Variants in EXT2 observed in about 807,000 individuals in gnomAD.
The protein encoded by EXT2 is exostosin-2.
EXT2 carries 53 observed loss-of-function variants against 81.6 expected under a neutral mutation model. The observed-to-expected ratio is 0.65, with a 90% confidence interval of 0.52 to 0.82. EXT2 has a LOEUF of 0.82. Ranked by LOEUF, EXT2 falls within the 40% of genes least tolerant of loss-of-function variation. EXT2 has a pLI of 0.00. For synonymous variants in EXT2, 320 were observed against 340.0 expected, an observed-to-expected ratio of 0.94 and a Z score of 0.65; for missense variants, 774 against 910.2, an observed-to-expected ratio of 0.85 and a Z score of 1.93.
At chr11:44,149,541 T>C (rs1161384713) in intron 7 of EXT2, among the ~76,000 whole-genome samples, 1 of 152,226 alleles carries the variant, frequency 6.6e-6, no homozygotes, top group Non-Finnish European at 1.5e-5. Flanking sequence ...GTATTGGACC[T>C]TGAAAATAAA....
intron 11 of EXT2, among the ~76,000 whole-genome samples, chr11:44,233,829 C>T (rs1955926863): frequency 2.0e-5 from 3 of 151,692 alleles, no homozygotes; most frequent in Admixed American, 6.6e-5. Context: ...TTTTTTTGAC[C>T]CAATAATTTC....
intron 10 of EXT2, among the ~76,000 whole-genome samples, chr11:44,221,902 G>A (rs570154667): frequency 1.3e-5 from 2 of 152,254 alleles, no homozygotes; most frequent in Admixed American, 1.3e-4. Flanking sequence ...TTCCACATTT[G>A]GGGAGAATAA....
In EXT2 at chr11:44,206,582, GT is replaced by G. The variant is rs571853507; in HGVS notation, c.1496-209del. Among the ~76,000 whole-genome samples, 838 of 152,208 alleles carry G rather than the reference GT, an allele frequency of 5.5e-3. 12 individuals carry two copies. The highest frequency in any genetic ancestry group is 0.019 in the African/African-American group (793 of 41,524). ...ATGTATATAGTATGTGTGTATATAT[GT>G]TGTATATATGTGTACGTGCAGTATA... On this transcript the variant is annotated intron_variant, in intron 9 of 13. Coordinates refer to ENST00000533608, the MANE Select transcript of EXT2 (RefSeq NM_207122.2).
chr11:44,236,241 T>C, intron 12 of EXT2, 52 bp from the exon 13 acceptor site: 1 of 1,538,898 alleles, frequency 6.5e-7, no homozygotes. Context: ...CAAGCATGAT[T>C]TTATTGTCCT....
chr11:44,201,377 G>A (rs142390297), intron 9 of EXT2, among the ~76,000 whole-genome samples: 4 of 152,298 alleles, frequency 2.6e-5, no homozygotes, highest in African/African-American at 9.6e-5. Flanking sequence ...TAACCATATT[G>A]TATACTTTTT....
chr11:44,205,623 C>T (rs1955573179), intron 9 of EXT2, among the ~76,000 whole-genome samples: 1 of 152,344 alleles, frequency 6.6e-6, no homozygotes, highest in Admixed American at 6.5e-5. Context: ...ATGTGTTCTA[C>T]AACCAGTTAT....
chr11:44,171,511 A>G (rs1955072841), intron 7 of EXT2, 100 bp from the exon 8 acceptor site: 5 of 1,581,730 alleles, frequency 3.2e-6, no homozygotes, highest in Non-Finnish European at 4.3e-6. Flanking sequence ...AACTTTGGGA[A>G]TAAAGGAATT....
chr11:44,206,878 T>C lies in EXT2; in HGVS notation c.1581T>C (p.Asp527=). ...NKLSNRFFPY[D]EIETEAVLAI... The stretch of plus-strand genomic sequence containing the variant: ...TAAGTAACCGTTTCTTCCCTTATGA[T>C]GAAATCGAGACAGAAGCTGTTCTGG... Residue 527 remains aspartate (D), a synonymous_variant, in exon 10 of 14, where the codon GAT becomes GAC. Transcript: ENST00000533608. The C allele has an allele frequency of 6.2e-7, 1 of 1,614,172 alleles. No individual in the cohort carries two copies. Among genetic ancestry groups the C allele is most frequent in the Non-Finnish European group, 8.5e-7 (1 of 1,180,012 alleles).
rs78755968 is a variant in EXT2 at position 44,141,896 on chromosome 11, A to G, written c.1173+11758A>G. ...ATATTTCTGAGAAATAATGATCATT[A>G]CAGGAAGCGAAGTGCAGGTTTATGA... On this transcript the variant is annotated intron_variant, in intron 7 of 13. Coordinates refer to ENST00000533608, the MANE Select transcript of EXT2 (RefSeq NM_207122.2). 6.1e-3 allele frequency among the ~76,000 whole-genome samples: 929 copies of G among 152,352 alleles called. 10 individuals are homozygous for G. The highest frequency in any genetic ancestry group is 0.021 in the African/African-American group (891 of 41,582).
rs528205960 is a variant in EXT2, at chr11:44,136,056, T to C, written c.1173+5918T>C. Reference sequence around the variant, plus strand: ...ATCTTGTGTAATATGTTTTATAAAGTTTTCTGTTTAAGATGTTTGTTTTTA... The same window carrying C: ...ATCTTGTGTAATATGTTTTATAAAGCTTTCTGTTTAAGATGTTTGTTTTTA... On this transcript the variant is annotated intron_variant, in intron 7 of 13. Coordinates refer to ENST00000533608, the MANE Select transcript of EXT2 (RefSeq NM_207122.2). 3.9e-4 allele frequency among the ~76,000 whole-genome samples: 59 copies of C among 152,352 alleles called. 2 individuals are homozygous for C. Among genetic ancestry groups the C allele is most frequent in the African/African-American group, 1.3e-3 (56 of 41,594 alleles).
chr11:44,108,303 G>A (rs534368688), intron 2 of EXT2, 55 bp downstream of exon 2: 2 of 1,566,164 alleles, frequency 1.3e-6, no homozygotes, highest in East Asian at 2.3e-5. Flanking sequence ...GGCCCTCAGG[G>A]AACTAAAGGG....
At chr11:44,184,534 G>A (rs866502302) in intron 8 of EXT2, among the ~76,000 whole-genome samples, 1 of 152,176 alleles carries the variant, frequency 6.6e-6, no homozygotes, top group South Asian at 2.1e-4. Flanking sequence ...GGTGGATCAC[G>A]AGGTCAGGAG....
chr11:44,126,700 G>T, intron 5 of EXT2, 116 bp from the exon 6 acceptor site: 1 of 1,296,858 alleles, frequency 7.7e-7, no homozygotes, highest in Non-Finnish European at 1.1e-6. Flanking sequence ...TTTGTGTCAA[G>T]ATGCCTCAGT....
At chr11:44,125,845 G>C (rs1022585876) in intron 5 of EXT2, among the ~76,000 whole-genome samples, 1 of 152,146 alleles carries the variant, frequency 6.6e-6, no homozygotes, top group African/African-American at 2.4e-5. Flanking sequence ...TTATCAGCAC[G>C]TGTGTCCACA....
intron 7 of EXT2, among the ~76,000 whole-genome samples, chr11:44,134,731 T>C (rs1019203862): frequency 6.6e-6 from 1 of 152,170 alleles, no homozygotes; most frequent in Non-Finnish European, 1.5e-5. Context: ...GATCCCCAGT[T>C]TATCTGTTGA....
Position 44,101,027 on chromosome 11 carries a change from C to T in EXT2, c.-31+5175C>T, listed in dbSNP as rs61879066. On this transcript the variant is annotated intron_variant, in intron 1 of 13. Transcript: ENST00000533608. The stretch of plus-strand genomic sequence containing the variant: ...CCACTCCCCTCAGATCTCAGCATTG[C>T]CTGAGCAGGAAAGCAGTTCTTAAGG... Among the ~76,000 whole-genome samples the T allele has an allele frequency of 8.3e-3, 1,263 of 152,262 alleles. 4 individuals are homozygous for T. Among genetic ancestry groups the T allele is most frequent in the Non-Finnish European group, 0.012 (836 of 68,026 alleles).
At chr11:44,222,779 A>T (rs571582739) in intron 10 of EXT2, among the ~76,000 whole-genome samples, 27 of 150,674 alleles carry the variant, frequency 1.8e-4, no homozygotes, top group African/African-American at 5.8e-4. Context: ...AAATTGACCA[A>T]TGAGACCTCA....
At chr11:44,135,533 AG>A (rs1954553730) in intron 7 of EXT2, among the ~76,000 whole-genome samples, 1 of 151,930 alleles carries the variant, frequency 6.6e-6, no homozygotes. Flanking sequence ...TTGGGATTAT[AG>A]GCATACGCCA....
rs967723664 is a variant in EXT2, at chr11:44,220,329, G to A, written c.1663-12024G>A. 6.6e-6 allele frequency among the ~76,000 whole-genome samples: 1 copy of A among 152,162 alleles called. No homozygotes were observed. The highest frequency in any genetic ancestry group is 1.9e-4 in the East Asian group (1 of 5,204). ...GGTGTGAGCTGTCTTTGAGCCTTGT[G>A]TATATATCTGAGTAAGCAACAGTTC... On this transcript the variant is annotated intron_variant, in intron 10 of 13. Transcript: ENST00000533608. The surrounding 1 kb of genome is among the most constrained non-coding windows in gnomAD (Gnocchi z 4.4).
Sources: allele counts gnomAD v4.1 joint callset (sites outside exome capture counted in the v4.1 genomes callset), GRCh38; gene constraint gnomAD v4.1.1; non-coding constraint Gnocchi (gnomAD v3.1); transcripts MANE v1.5; gene names NCBI Gene and HGNC (gene_info 2026-07-23, HGNC 2026-07-21).